The following ZSWIM6 variants were observed in gnomAD, a reference collection of about 807,000 sequenced individuals.
The protein encoded by ZSWIM6 is zinc finger SWIM-type containing 6, also known as zinc finger SWIM domain-containing protein 6.
In ZSWIM6, 9 loss-of-function variants were observed where a neutral mutation model predicts 113.2. The ratio of observed to expected loss-of-function variants is 0.08; its 90% CI spans 0.05 to 0.14. The LOEUF (loss-of-function observed/expected upper bound fraction) is 0.14, where lower values mean the gene tolerates loss of function less well. Ranked by LOEUF, ZSWIM6 falls within the 10% of genes least tolerant of loss-of-function variation. The pLI, the probability that ZSWIM6 is intolerant of heterozygous loss-of-function variation, is 1.00. For missense variants in ZSWIM6, 1,162 were observed against 1,552.2 expected (o/e 0.75, Z 4.22); for synonymous variants, 611 against 606.5 (o/e 1.01, Z -0.11).
chr5:61,383,943 A>G (rs909629811), intron 1 of ZSWIM6, among the ~76,000 whole-genome samples: 1 of 151,440 alleles, frequency 6.6e-6, no homozygotes, highest in African/African-American at 2.4e-5. Flanking sequence ...AACATCAGTA[A>G]TATTTCTACT....
At chr5:61,537,278 G>T (rs1749601494) in intron 10 of ZSWIM6, among the ~76,000 whole-genome samples, 2 of 152,198 alleles carry the variant, frequency 1.3e-5, no homozygotes, top group African/African-American at 4.8e-5. Context: ...CAGGGTACAG[G>T]GGAATTTTTT....
chr5:61,332,698 TGGCGGCGGCGGCGCG>T lies in ZSWIM6; in HGVS notation c.440_454del (p.Ala147_Gly151del), dbSNP rs772099709. The stretch of plus-strand genomic sequence containing the variant: ...CGGGCGGCCCCGGCGACGACAGCGG[TGGCGGCGGCGGCGCG>T]GGCGGCGGCGGCGGCGGCGGCTCCT... On this transcript the variant is annotated inframe_deletion, in exon 1 of 14. Transcript: ENST00000252744. 110 of 967,264 alleles carry T rather than the reference TGGCGGCGGCGGCGCG, an allele frequency of 1.1e-4. 1 individual carries two copies. Among genetic ancestry groups the T allele is most frequent in the Middle Eastern group, 1.1e-3 (2 of 1,874 alleles). 59.9% of individuals were successfully genotyped at this position (967,264 alleles called of 1,614,324 possible).
At chr5:61,494,588 A>G (rs1366084446) in intron 4 of ZSWIM6, among the ~76,000 whole-genome samples, 178 bp downstream of exon 4, 1 of 152,164 alleles carries the variant, frequency 6.6e-6, no homozygotes, top group Non-Finnish European at 1.5e-5. Context: ...GCATTTACAG[A>G]AAACAACCTT....
At chr5:61,444,699 T>G (rs1306514291) in intron 1 of ZSWIM6, among the ~76,000 whole-genome samples, 7 of 152,314 alleles carry the variant, frequency 4.6e-5, no homozygotes, top group Non-Finnish European at 1.5e-5. Flanking sequence ...GATATTAATG[T>G]TTAATTTATA....
chr5:61,479,415 C>G (rs906881730), intron 2 of ZSWIM6, among the ~76,000 whole-genome samples: 1 of 152,046 alleles, frequency 6.6e-6, no homozygotes, highest in Non-Finnish European at 1.5e-5. Context: ...ACCCTTCATC[C>G]TCTCTTCACC....
At chr5:61,488,438 GTTC>G (rs1580030198) in intron 2 of ZSWIM6, among the ~76,000 whole-genome samples, 1 of 151,926 alleles carries the variant, frequency 6.6e-6, no homozygotes. Flanking sequence ...ATTAGTATTA[GTTC>G]TTCTTCCTAC....
intron 1 of ZSWIM6, among the ~76,000 whole-genome samples, chr5:61,343,237 C>G (rs960443777): frequency 1.3e-5 from 2 of 152,190 alleles, no homozygotes; most frequent in Non-Finnish European, 2.9e-5. Flanking sequence ...TAAACTCTTA[C>G]TAACTGAATA....
At chr5:61,347,196 A>T (rs1274471562) in intron 1 of ZSWIM6, 1 of 160,568 alleles carries the variant, frequency 6.2e-6, no homozygotes, top group African/African-American at 2.4e-5. Flanking sequence ...AGAGGAGCTG[A>T]CCTTGAACAA....
intron 1 of ZSWIM6, among the ~76,000 whole-genome samples, chr5:61,346,263 C>T (rs1744657064): frequency 6.6e-6 from 1 of 152,118 alleles, no homozygotes. Flanking sequence ...ATTCTTAAAT[C>T]TTAAAACAGA....
chr5:61,374,678 C>T (rs370195449), intron 1 of ZSWIM6, among the ~76,000 whole-genome samples: 1 of 152,108 alleles, frequency 6.6e-6, no homozygotes, highest in Non-Finnish European at 1.5e-5. Flanking sequence ...CTCAGCCTCC[C>T]GAGTAGCTGG....
At chr5:61,339,378 A>T (rs1744483636) in intron 1 of ZSWIM6, among the ~76,000 whole-genome samples, 3 of 152,138 alleles carry the variant, frequency 2.0e-5, no homozygotes, top group East Asian at 1.9e-4. Context: ...GTACCACTGT[A>T]CTCCAGCCTG....
chr5:61,375,659 T>C, intron 1 of ZSWIM6: 3 of 1,545,116 alleles, frequency 1.9e-6, no homozygotes, highest in Non-Finnish European at 2.6e-6. Flanking sequence ...AAGAGAAAGA[T>C]GTATTCTGAA....
chr5:61,398,229 T>C (rs186861996), intron 1 of ZSWIM6, among the ~76,000 whole-genome samples: 34 of 152,314 alleles, frequency 2.2e-4, no homozygotes, highest in Middle Eastern at 3.4e-3. Flanking sequence ...TGAGCATTAC[T>C]GCCTGAGCTC....
At chr5:61,372,743 A>G (rs943166813) in intron 1 of ZSWIM6, among the ~76,000 whole-genome samples, 4 of 152,030 alleles carry the variant, frequency 2.6e-5, no homozygotes, top group Non-Finnish European at 5.9e-5. Context: ...AGACTTAACT[A>G]TTTTCCTTTC....
intron 1 of ZSWIM6, among the ~76,000 whole-genome samples, chr5:61,384,785 C>T (rs1466298523): frequency 3.3e-5 from 5 of 152,186 alleles, no homozygotes; most frequent in Admixed American, 2.0e-4. Flanking sequence ...AGGCCGGGCG[C>T]GGTGGGTCAC....
intron 1 of ZSWIM6, among the ~76,000 whole-genome samples, chr5:61,381,535 A>G (rs1045370036): frequency 6.6e-6 from 1 of 152,232 alleles, no homozygotes; most frequent in South Asian, 2.1e-4. Flanking sequence ...TATGTGTGTC[A>G]TGGCTTCATA....
At chr5:61,455,637 G>C (rs937012800) in intron 1 of ZSWIM6, among the ~76,000 whole-genome samples, 3 of 152,176 alleles carry the variant, frequency 2.0e-5, no homozygotes, top group Non-Finnish European at 4.4e-5. Context: ...CGGAGCACTT[G>C]GCTAGCGGGG....
At chr5:61,532,369 A>AT (rs1191491886) in intron 9 of ZSWIM6, among the ~76,000 whole-genome samples, 2 of 152,220 alleles carry the variant, frequency 1.3e-5, no homozygotes, top group Non-Finnish European at 2.9e-5. Flanking sequence ...TATTTTTCAG[A>AT]TTTTTTCCCC....
chr5:61,475,661 C>A (rs1477111286), intron 2 of ZSWIM6, among the ~76,000 whole-genome samples: 1 of 152,152 alleles, frequency 6.6e-6, no homozygotes, highest in Admixed American at 6.5e-5. Context: ...GCCTTCCTGC[C>A]TTCCATTCTA....
Sources: allele counts gnomAD v4.1 joint callset (sites outside exome capture counted in the v4.1 genomes callset), GRCh38; gene constraint gnomAD v4.1.1; transcripts MANE v1.5; gene names NCBI Gene and HGNC (gene_info 2026-07-23, HGNC 2026-07-21).